GRM1: variants seen among roughly 807,000 people sequenced by gnomAD.
The protein encoded by GRM1 is glutamate metabotropic receptor 1.
A neutral mutation model predicts 90.9 loss-of-function variants in GRM1; 33 were observed. The observed-to-expected ratio is 0.36, with a 90% CI of 0.28 to 0.49. GRM1 has a LOEUF of 0.49. Ranked by LOEUF, GRM1 falls within the 20% of genes least tolerant of loss-of-function variation. The pLI is 0.99. For missense variants in GRM1, 1,190 were observed against 1,534.3 expected (o/e 0.78, Z 3.75); for synonymous variants, 700 against 613.2 (o/e 1.14, Z -2.09).
chr6:146,383,644 T>C (rs1338362227), intron 5 of GRM1, among the ~76,000 whole-genome samples: 1 of 152,160 alleles, frequency 6.6e-6, no homozygotes, highest in East Asian at 1.9e-4. Flanking sequence ...GAAAATATTC[T>C]GTCATTTAAT....
At chr6:146,386,758 C>T in intron 5 of GRM1, 132 bp from the exon 6 acceptor site, 1 of 691,292 alleles carries the variant, frequency 1.4e-6, no homozygotes, top group East Asian at 2.7e-5. Context: ...TCTTAAGATT[C>T]CTCAGCATAT....
intron 2 of GRM1, among the ~76,000 whole-genome samples, chr6:146,179,448 G>A (rs1187925761): frequency 6.6e-6 from 1 of 152,220 alleles, no homozygotes; most frequent in Non-Finnish European, 1.5e-5. Flanking sequence ...TTAAAGGACA[G>A]TGTGCCTGTT....
At chr6:146,291,438 C>T (rs1189217435) in intron 2 of GRM1, among the ~76,000 whole-genome samples, 2 of 150,948 alleles carry the variant, frequency 1.3e-5, no homozygotes, top group African/African-American at 4.9e-5. Context: ...TGTTTTATCT[C>T]TTTGCTTCTG....
At chr6:146,351,047 A>G (rs1252879455) in intron 3 of GRM1, among the ~76,000 whole-genome samples, 1 of 152,236 alleles carries the variant, frequency 6.6e-6, no homozygotes, top group Non-Finnish European at 1.5e-5. Context: ...CCCAAGTTCG[A>G]TATCAAAGTC....
At chr6:146,340,069 G>C (rs1784914948) in intron 3 of GRM1, among the ~76,000 whole-genome samples, 1 of 152,200 alleles carries the variant, frequency 6.6e-6, no homozygotes, top group Non-Finnish European at 1.5e-5. Context: ...TGAGGCATAA[G>C]GAAATCATTT....
chr6:146,068,566 G>A (rs1444793104), intron 1 of GRM1, among the ~76,000 whole-genome samples: 1 of 152,154 alleles, frequency 6.6e-6, no homozygotes, highest in Non-Finnish European at 1.5e-5. Flanking sequence ...TCATGAGGAG[G>A]CTCCTTAAAT....
At chr6:146,211,328 A>C (rs1422304244) in intron 2 of GRM1, among the ~76,000 whole-genome samples, 1 of 150,578 alleles carries the variant, frequency 6.6e-6, no homozygotes, top group African/African-American at 2.5e-5. Flanking sequence ...TCGAAGACAG[A>C]ACCCAGTCTC....
At chr6:146,288,501 T>C (rs1400916113) in intron 2 of GRM1, among the ~76,000 whole-genome samples, 1 of 152,168 alleles carries the variant, frequency 6.6e-6, no homozygotes, top group Non-Finnish European at 1.5e-5. Flanking sequence ...GATTTTTGTT[T>C]TTTTGGTTTT....
Position 146,101,957 on chromosome 6 carries a change from A to C in GRM1, c.701-57391A>C, listed in dbSNP as rs145237978. 1.7e-3 allele frequency among the ~76,000 whole-genome samples: 265 copies of C among 152,094 alleles called. 1 individual carries two copies. The highest frequency in any genetic ancestry group is 6.1e-3 in the African/African-American group (252 of 41,498). On this transcript the variant is annotated intron_variant, in intron 1 of 7. Coordinates refer to ENST00000282753, the MANE Select transcript of GRM1 (RefSeq NM_001278064.2). The stretch of plus-strand genomic sequence containing the variant: ...GCAGCACTTTAGAGCCACTACTTTT[A>C]CAAACCAGATATTATTATCAAAGAT...
chr6:146,288,150 T>A (rs1782833141), intron 2 of GRM1, among the ~76,000 whole-genome samples: 1 of 152,122 alleles, frequency 6.6e-6, no homozygotes, highest in Admixed American at 6.5e-5. Context: ...AGCAGACCGT[T>A]AGTGAAAACA....
chr6:146,333,792 A>T (rs894714997), intron 3 of GRM1, among the ~76,000 whole-genome samples: 3 of 152,088 alleles, frequency 2.0e-5, no homozygotes, highest in Non-Finnish European at 2.9e-5. Flanking sequence ...AAGATGAAAA[A>T]CCTGGACCTA....
upstream of GRM1, chr6:146,027,893 T>A (rs1220048278): frequency 6.6e-6 from 1 of 152,454 alleles, no homozygotes; most frequent in Non-Finnish European, 1.5e-5. Context: ...GTCTATCAGA[T>A]TTTCCTCCGG....
At chr6:146,206,388 G>A (rs1779493583) in intron 2 of GRM1, among the ~76,000 whole-genome samples, 1 of 152,090 alleles carries the variant, frequency 6.6e-6, no homozygotes, top group African/African-American at 2.4e-5. Context: ...CTGGGATCTT[G>A]ATACTGTCAG....
chr6:146,087,728 G>A (rs946594045), intron 1 of GRM1, among the ~76,000 whole-genome samples: 5 of 152,092 alleles, frequency 3.3e-5, no homozygotes, highest in Non-Finnish European at 7.4e-5. Flanking sequence ...TTTTGAGTTG[G>A]CATCATGCTT....
intron 1 of GRM1, among the ~76,000 whole-genome samples, chr6:146,121,652 T>A (rs1255282324): frequency 6.6e-6 from 1 of 152,210 alleles, no homozygotes; most frequent in East Asian, 1.9e-4. Context: ...TTCTCATTGG[T>A]TTCAAAGAAC....
intron 2 of GRM1, among the ~76,000 whole-genome samples, chr6:146,212,532 T>C (rs1162167807): frequency 6.6e-6 from 1 of 152,214 alleles, no homozygotes; most frequent in Non-Finnish European, 1.5e-5. Flanking sequence ...AGCACATAGC[T>C]GCTATTTGGA....
At chr6:146,367,902 G>C (rs1236259738) in intron 5 of GRM1, among the ~76,000 whole-genome samples, 1 of 152,114 alleles carries the variant, frequency 6.6e-6, no homozygotes, top group Non-Finnish European at 1.5e-5. Flanking sequence ...CTTCTGTGAA[G>C]ATTGCTATTG....
intron 6 of GRM1, among the ~76,000 whole-genome samples, chr6:146,388,388 T>C (rs1363453768): frequency 1.3e-5 from 2 of 152,048 alleles, no homozygotes; most frequent in Non-Finnish European, 2.9e-5. Flanking sequence ...ATTTTTTTAC[T>C]TGTTTCCAAG....
intron 3 of GRM1, among the ~76,000 whole-genome samples, chr6:146,315,001 A>G (rs1783917161): frequency 6.6e-6 from 1 of 152,100 alleles, no homozygotes; most frequent in African/African-American, 2.4e-5. Context: ...TGACTGGGAG[A>G]TTGCCTTGTA....
Sources: allele counts gnomAD v4.1 joint callset (sites outside exome capture counted in the v4.1 genomes callset), GRCh38; gene constraint gnomAD v4.1.1; transcripts MANE v1.5; gene names NCBI Gene and HGNC (gene_info 2026-07-23, HGNC 2026-07-21).